WDFY2: variants seen among roughly 807,000 people sequenced by gnomAD.
WDFY2 encodes the protein WD repeat and FYVE domain containing 2, also known as WD repeat and FYVE domain-containing protein 2.
WDFY2 carries 36 observed loss-of-function variants against 56.4 expected under a neutral mutation model. The observed-to-expected ratio is 0.64, with a 90% CI of 0.49 to 0.84. The LOEUF (loss-of-function observed/expected upper bound fraction) is 0.84. WDFY2 is among the 40% of genes least tolerant of loss of function. The pLI is 0.00. For missense variants in WDFY2, 444 were observed against 512.2 expected, an observed-to-expected ratio of 0.87 and a Z score of 1.29; for synonymous variants, 176 against 183.7, an observed-to-expected ratio of 0.96 and a Z score of 0.34.
At chr13:51,687,017 A>G (rs1166350401) in intron 3 of WDFY2, among the ~76,000 whole-genome samples, 1 of 151,174 alleles carries the variant, frequency 6.6e-6, no homozygotes, top group Non-Finnish European at 1.5e-5. Context: ...GCCTATCTAA[A>G]TGAAAACACT....
At chr13:51,646,673 G>C (rs910854473) in intron 1 of WDFY2, among the ~76,000 whole-genome samples, 1 of 152,254 alleles carries the variant, frequency 6.6e-6, no homozygotes. Flanking sequence ...AAGTGCACTT[G>C]TGAGGCAGTG....
chr13:51,584,867 G>T (rs751994664), intron 1 of WDFY2, 43 bp downstream of exon 1: 73 of 1,607,172 alleles, frequency 4.5e-5, no homozygotes, highest in Non-Finnish European at 5.8e-5. Context: ...GGCGGGACGG[G>T]CCGACGGCCC....
chr13:51,678,170 G>C (rs977978009), intron 3 of WDFY2, among the ~76,000 whole-genome samples: 4 of 152,006 alleles, frequency 2.6e-5, no homozygotes, highest in Non-Finnish European at 5.9e-5. Context: ...AGTCACACAC[G>C]GTACTCAGTA....
At chr13:51,759,351 G>A (rs1223766294) in intron 11 of WDFY2, among the ~76,000 whole-genome samples, 1 of 151,984 alleles carries the variant, frequency 6.6e-6, no homozygotes, top group African/African-American at 2.4e-5. Flanking sequence ...CTATTTGGAG[G>A]GTGGAACAAA....
chr13:51,758,381 T>A, intron 11 of WDFY2, 81 bp downstream of exon 11: 1 of 1,077,694 alleles, frequency 9.3e-7, no homozygotes, highest in Non-Finnish European at 1.4e-6. Context: ...TGGGAGGCAC[T>A]GTTCTAAAGG....
chr13:51,754,570 T>A (rs562653032), intron 8 of WDFY2, among the ~76,000 whole-genome samples: 2 of 152,342 alleles, frequency 1.3e-5, no homozygotes, highest in East Asian at 3.9e-4. Flanking sequence ...TTATTTGCAT[T>A]CTCTGCTTAA....
intron 1 of WDFY2, among the ~76,000 whole-genome samples, chr13:51,624,370 G>A (rs1037726715): frequency 1.3e-5 from 2 of 152,062 alleles, no homozygotes; most frequent in Non-Finnish European, 2.9e-5. Flanking sequence ...TCCATTCATT[G>A]CTGGAAGTGG....
At chr13:51,598,995 G>A (rs182513953) in intron 1 of WDFY2, among the ~76,000 whole-genome samples, 17 of 143,768 alleles carry the variant, frequency 1.2e-4, no homozygotes, top group African/African-American at 7.7e-5. Flanking sequence ...TGCAACCTCC[G>A]CCTTCCAGGT....
intron 1 of WDFY2, among the ~76,000 whole-genome samples, chr13:51,650,651 T>C (rs113166827): frequency 1.3e-5 from 2 of 152,376 alleles, no homozygotes; most frequent in South Asian, 4.1e-4. Flanking sequence ...CAAAGGCCTT[T>C]TCTGCATCTA....
intron 1 of WDFY2, among the ~76,000 whole-genome samples, chr13:51,649,668 GA>G (rs1221098334): frequency 6.7e-6 from 1 of 148,210 alleles, no homozygotes; most frequent in East Asian, 2.0e-4. Flanking sequence ...ACCTATGAGT[GA>G]GAACATGCAG....
chr13:51,758,077 T>A, intron 10 of WDFY2, 115 bp from the exon 11 acceptor site: 1 of 531,402 alleles, frequency 1.9e-6, no homozygotes, highest in Non-Finnish European at 3.4e-6. Flanking sequence ...AGCATTCCTG[T>A]CAGTGAAGCA....
intron 8 of WDFY2, 78 bp downstream of exon 8, chr13:51,751,493 A>C: frequency 7.6e-7 from 1 of 1,318,406 alleles, no homozygotes; most frequent in Non-Finnish European, 1.1e-6. Context: ...TATTTCTTTT[A>C]TGATTAAACC....
At position 51,767,656 on chromosome 13, in the gene WDFY2, C is replaced by G. The variant is rs1953792094; in HGVS notation, c.*7887C>G. 6.5e-6 allele frequency: 1 copy of G among 154,722 alleles called. No individual in the cohort carries two copies. The allele number at this position is 154,722 out of a possible 1,614,324, so 9.6% of individuals were successfully genotyped here. A position where few individuals can be genotyped will look rare whatever the true frequency, so the allele number is the denominator to read the frequency against. ...TGCCAGATGCATTACTGAAGCCACT[C>G]CTAATCTTAAGCAAATGTAAACTAG... On this transcript the variant is annotated 3_prime_UTR_variant, in exon 12 of 12. Transcript: ENST00000298125.
chr13:51,649,978 G>T (rs1290719273), intron 1 of WDFY2, among the ~76,000 whole-genome samples: 2 of 151,958 alleles, frequency 1.3e-5, no homozygotes, highest in Non-Finnish European at 2.9e-5. Flanking sequence ...GCTTGATGGG[G>T]ATGGCATTGA....
rs1952499076 is a variant in WDFY2 at position 51,721,898 on chromosome 13, AG to A, written c.485+2551del. 2.0e-5 allele frequency among the ~76,000 whole-genome samples: 3 copies of A among 152,124 alleles called. No homozygotes were observed. In the South Asian group the frequency reaches 6.2e-4, roughly 32 times the overall value. On this transcript the variant is annotated intron_variant, in intron 5 of 11. Transcript: ENST00000298125. ...AAGTTTTTTCTGGGAGCTGGCTGAT[AG>A]ATTGTTAATAGGCAAGCCATACAGT...
chr13:51,735,550 G>A (rs546502670), intron 6 of WDFY2, among the ~76,000 whole-genome samples: 13 of 152,254 alleles, frequency 8.5e-5, no homozygotes, highest in African/African-American at 2.6e-4. Context: ...AGAATGGCTC[G>A]ACCAAACATA....
At chr13:51,676,416 A>G (rs1272932601) in intron 3 of WDFY2, among the ~76,000 whole-genome samples, 1 of 152,122 alleles carries the variant, frequency 6.6e-6, no homozygotes, top group Non-Finnish European at 1.5e-5. Context: ...CTAAATTTGA[A>G]CCTGTACCTC....
Position 51,650,214 on chromosome 13 carries a change from T to C in WDFY2, c.138-10382T>C, listed in dbSNP as rs867962680. Among the ~76,000 whole-genome samples the C allele has an allele frequency of 3.0e-3, 457 of 151,926 alleles. 2 individuals carry two copies. Among genetic ancestry groups the C allele is most frequent in the African/African-American group, 0.01 (433 of 41,454 alleles). On this transcript the variant is annotated intron_variant, in intron 1 of 11. Transcript: ENST00000298125. ...GGGAGTTCACTCATGATTTGGCTGT[T>C]TGTCTGTTATTGGTGTATAAGAATG...
At chr13:51,725,113 T>C (rs940728610) in intron 5 of WDFY2, among the ~76,000 whole-genome samples, 1 of 152,216 alleles carries the variant, frequency 6.6e-6, no homozygotes, top group African/African-American at 2.4e-5. Context: ...TTATGGGATT[T>C]TTACTTTTTG....
Sources: allele counts gnomAD v4.1 joint callset (sites outside exome capture counted in the v4.1 genomes callset), GRCh38; gene constraint gnomAD v4.1.1; transcripts MANE v1.5; gene names NCBI Gene and HGNC (gene_info 2026-07-23, HGNC 2026-07-21).